Variants in KNTC1 observed in about 807,000 individuals in gnomAD.
KNTC1 encodes the protein kinetochore-associated protein 1.
KNTC1 carries 253 observed loss-of-function variants against 314.4 expected under a neutral mutation model. That is an observed-to-expected ratio of 0.80 (90% confidence interval 0.73 to 0.89). The LOEUF (loss-of-function observed/expected upper bound fraction) is 0.89, where lower values mean the gene tolerates loss of function less well. Among genes scored for constraint, KNTC1 ranks in the 40% least tolerant of loss-of-function variants. The pLI, the probability that KNTC1 is intolerant of heterozygous loss-of-function variation, is 0.00. For missense variants in KNTC1, 2,475 were observed against 2,572.9 expected, an observed-to-expected ratio of 0.96 and a Z score of 0.82; for synonymous variants, 901 against 901.4, an observed-to-expected ratio of 1.00 and a Z score of 0.01.
At position 122,580,795 on chromosome 12, in the gene KNTC1, A is replaced by G. The variant is rs192345792; in HGVS notation, c.2982+125A>G. 1.0e-4 allele frequency: 53 copies of G among 527,564 alleles called. No individual in the cohort carries two copies. The African/African-American group carries it at 1.0e-3, about 10-fold the overall frequency. 32.7% of individuals were successfully genotyped at this position (527,564 alleles called of 1,614,324 possible). ...TGTAATCCCAGCACTTTGGGAGGCC[A>G]AGGTGAGTGGATCACAAGGTCAGGA... On this transcript the variant is annotated intron_variant, in intron 33 of 63. Coordinates refer to ENST00000333479, the MANE Select transcript of KNTC1 (RefSeq NM_014708.6).
intron 16 of KNTC1, among the ~76,000 whole-genome samples, chr12:122,556,917 C>CTTTTT (rs35101646): frequency 7.7e-4 from 68 of 88,292 alleles, no homozygotes; most frequent in Non-Finnish European, 1.1e-3. Flanking sequence ...AATTTTCCCT[C>CTTTTT]TTTTTTTTTT....
intron 20 of KNTC1, 29 bp downstream of exon 20, chr12:122,562,728 G>C (rs914999801): frequency 2.2e-6 from 3 of 1,390,500 alleles, no homozygotes; most frequent in Non-Finnish European, 3.1e-6. Context: ...AAACTTTTTA[G>C]GCCAGGCATG....
rs1409024779 is a variant in KNTC1, at chr12:122,589,805, A to G, written c.4000-802A>G. Among the ~76,000 whole-genome samples, 5 of 89,162 alleles carry G rather than the reference A, an allele frequency of 5.6e-5. No individual in the cohort carries two copies. In the South Asian group the frequency reaches 1.5e-3, roughly 27 times the overall value. The allele number at this position is 89,162 out of a possible 152,430, so 58.5% of individuals were successfully genotyped here. A position where few individuals can be genotyped will look rare whatever the true frequency, so the allele number is the denominator to read the frequency against. ...TTTTTTTTTTTTTTTTTTTTTTGAG[A>G]CGGAGTCTCGCACTCTCATCCAGGC... On this transcript the variant is annotated intron_variant, in intron 40 of 63. Transcript: ENST00000333479.
Position 122,626,203 on chromosome 12 carries a change from A to G in KNTC1, c.6607-2A>G. On this transcript the variant is annotated splice_acceptor_variant, in intron 63 of 63. Coordinates refer to ENST00000333479, the MANE Select transcript of KNTC1 (RefSeq NM_014708.6). LOFTEE classifies it high-confidence loss of function. ...ATCACTTCTGTGTTTCTTCCCATTT[A>G]GATGTTTCTTAGTGGATTATCGTAA... 6.3e-7 allele frequency: 1 copy of G among 1,582,520 alleles called. No individual in the cohort carries two copies. The highest frequency in any genetic ancestry group is 1.1e-5 in the South Asian group (1 of 88,408).
intron 61 of KNTC1, 74 bp downstream of exon 61, chr12:122,622,044 A>G: frequency 9.5e-7 from 1 of 1,049,850 alleles, no homozygotes. Context: ...CCAAACCAAG[A>G]GTAAGCTGAA....
At chr12:122,547,579 G>GATACCTGGTAC in intron 11 of KNTC1, 49 bp downstream of exon 11, 1 of 1,126,796 alleles carries the variant, frequency 8.9e-7, no homozygotes, top group Non-Finnish European at 1.3e-6. Flanking sequence ...TTAGTACCAG[G>GATACCTGGTAC]TATCTTGTCT....
chr12:122,544,980 A>G (rs1003609284), intron 8 of KNTC1, among the ~76,000 whole-genome samples: 9 of 152,160 alleles, frequency 5.9e-5, no homozygotes, highest in Admixed American at 5.9e-4. Flanking sequence ...TTTTGTTATT[A>G]GTGAAATGGG....
intron 42 of KNTC1, chr12:122,593,272 T>C (rs1297903085): frequency 6.4e-6 from 1 of 157,206 alleles, no homozygotes; most frequent in Non-Finnish European, 1.4e-5. Context: ...TTTTCTTTTT[T>C]TTTTTTTTTT....
In KNTC1 at chr12:122,547,418, G is replaced by A. The variant is rs778659714; in HGVS notation, c.820G>A (p.Val274Met). The A allele has an allele frequency of 4.4e-6, 7 of 1,590,988 alleles. No homozygotes were observed. The East Asian group carries it at 6.7e-5, about 15-fold the overall frequency. The change falls in exon 11 of 64, where the codon GTG (valine) becomes ATG (methionine). Residue 274 changes from valine (V) to methionine (M), a missense_variant. Coordinates refer to ENST00000333479, the MANE Select transcript of KNTC1 (RefSeq NM_014708.6). ...NLLFVLDTDN[V>M]LSLWDIYTLT... ...AAATGAAATGTCTCTATTGCAGAACGTGCTGAGTTTATGGGATATTTACAC... is the reference window on the plus strand; with the variant it reads ...AAATGAAATGTCTCTATTGCAGAACATGCTGAGTTTATGGGATATTTACAC...
intron 43 of KNTC1, 146 bp from the exon 44 acceptor site, chr12:122,597,585 G>A (rs964680646): frequency 1.5e-6 from 1 of 681,162 alleles, no homozygotes; most frequent in Non-Finnish European, 2.6e-6. Flanking sequence ...TAGCTTTGAT[G>A]ACAGGTAGTT....
intron 36 of KNTC1, 108 bp from the exon 37 acceptor site, chr12:122,585,528 C>T: frequency 8.1e-7 from 1 of 1,231,554 alleles, no homozygotes; most frequent in Admixed American, 2.2e-5. Flanking sequence ...CATTGTCCTT[C>T]TGTTAGAGTT....
intron 53 of KNTC1, chr12:122,611,130 A>G: frequency 2.0e-6 from 1 of 506,020 alleles, no homozygotes; most frequent in Non-Finnish European, 3.5e-6. Context: ...ACCTATTGAC[A>G]GTTTCCACTG....
chr12:122,619,394 G>A (rs532479321), intron 59 of KNTC1, among the ~76,000 whole-genome samples: 2 of 146,594 alleles, frequency 1.4e-5, no homozygotes, highest in East Asian at 4.1e-4. Context: ...CAGATGTGAG[G>A]CACTGCGCCC....
intron 49 of KNTC1, 111 bp from the exon 50 acceptor site, chr12:122,604,766 A>G: frequency 8.0e-7 from 1 of 1,255,866 alleles, no homozygotes; most frequent in Non-Finnish European, 1.1e-6. Context: ...GTAGATGCTT[A>G]GGAACATAAC....
In KNTC1 at chr12:122,547,400, A is replaced by G. The variant is rs1424749201; in HGVS notation, c.817-15A>G. 6.6e-7 allele frequency: 1 copy of G among 1,504,150 alleles called. No homozygotes were observed. Among genetic ancestry groups the G allele is most frequent in the Middle Eastern group, 1.7e-4 (1 of 5,834 alleles). The allele number at this position is 1,504,150 out of a possible 1,614,324, so 93.2% of individuals were successfully genotyped here. A position where few individuals can be genotyped will look rare whatever the true frequency, so the allele number is the denominator to read the frequency against. The stretch of plus-strand genomic sequence containing the variant: ...CAAAAAAAAAGGACATGTAAATGAA[A>G]TGTCTCTATTGCAGAACGTGCTGAG... On this transcript the variant is annotated splice_polypyrimidine_tract_variant and intron_variant, in intron 10 of 63. Coordinates refer to ENST00000333479, the MANE Select transcript of KNTC1 (RefSeq NM_014708.6).
intron 38 of KNTC1, among the ~76,000 whole-genome samples, chr12:122,587,208 G>C (rs1869477190): frequency 6.6e-6 from 1 of 152,168 alleles, no homozygotes. Flanking sequence ...GAGCCCAGGA[G>C]GTCAGGGCTG....
chr12:122,532,826 A>G (rs1961473371), intron 2 of KNTC1, among the ~76,000 whole-genome samples: 1 of 152,216 alleles, frequency 6.6e-6, no homozygotes, highest in Non-Finnish European at 1.5e-5. Flanking sequence ...TATATGCTAA[A>G]TGCCAAATGA....
At chr12:122,615,584 G>C in intron 57 of KNTC1, 58 bp downstream of exon 57, 1 of 1,420,674 alleles carries the variant, frequency 7.0e-7, no homozygotes. Context: ...TTCTGGCCTT[G>C]TGACTGCTGG....
At chr12:122,572,869 A>G (rs1404943989) in intron 24 of KNTC1, 68 bp from the exon 25 acceptor site, 2 of 1,254,508 alleles carry the variant, frequency 1.6e-6, no homozygotes, top group Non-Finnish European at 2.2e-6. Flanking sequence ...ATCTGAAATA[A>G]TTCTGATTCT....
Sources: gnomAD v4.1 joint callset for allele counts (sites outside exome capture counted in the v4.1 genomes callset) on GRCh38, gnomAD v4.1.1 for gene constraint, MANE v1.5 for transcripts, NCBI Gene and HGNC (gene_info 2026-07-23, HGNC 2026-07-21) for gene names.